CCK: variants seen among roughly 807,000 people sequenced by gnomAD.
The protein encoded by CCK is cholecystokinin triacontatriapeptide.
A neutral mutation model predicts 10.1 loss-of-function variants in CCK; 11 were observed. That is an observed-to-expected ratio of 1.09 (90% confidence interval 0.69 to 1.81). CCK has a LOEUF of 1.81. CCK is among the 40% of genes most tolerant of loss of function. CCK has a pLI of 0.00. For missense variants in CCK, 137 were observed against 159.9 expected (o/e 0.86, Z 0.77); for synonymous variants, 83 against 71.9 (o/e 1.15, Z -0.78).
intron 4 of CCK, among the ~76,000 whole-genome samples, chr3:42,260,361 G>A (rs1334400072): frequency 1.3e-5 from 2 of 152,152 alleles, no homozygotes; most frequent in Non-Finnish European, 2.9e-5. Context: ...GTGATGATGA[G>A]TGCCCACTCT....
rs146076965 is a variant in CCK, at chr3:42,257,858, T to C, written c.*240A>G. 26 of 469,626 alleles carry C rather than the reference T, an allele frequency of 5.5e-5. No individual in the cohort carries two copies. The East Asian group carries it at 8.6e-4, about 15-fold the overall frequency. The allele number at this position is 469,626 out of a possible 1,614,324, so 29.1% of individuals were successfully genotyped here. A position where few individuals can be genotyped will look rare whatever the true frequency, so the allele number is the denominator to read the frequency against. On this transcript the variant is annotated 3_prime_UTR_variant, in exon 5 of 5. Transcript: ENST00000396169. The stretch of plus-strand genomic sequence containing the variant: ...AAATCACTTTAATAGCATAACAACA[T>C]TTTCAGACCAGGAGTCACAGATGAA...
intron 4 of CCK, among the ~76,000 whole-genome samples, chr3:42,260,876 A>G (rs992102979): frequency 6.6e-6 from 1 of 152,236 alleles, no homozygotes; most frequent in African/African-American, 2.4e-5. Flanking sequence ...AGGAAGCTGA[A>G]TGGCTTCCAG....
intron 4 of CCK, 138 bp from the exon 5 acceptor site, chr3:42,258,369 G>A (rs1711167654): frequency 3.2e-6 from 3 of 936,772 alleles, no homozygotes; most frequent in Admixed American, 3.0e-5. Flanking sequence ...AGCTATCAAA[G>A]TAGTGGAACT....
At chr3:42,258,331 A>G in intron 4 of CCK, 100 bp from the exon 5 acceptor site, 1 of 1,288,578 alleles carries the variant, frequency 7.8e-7, no homozygotes, top group Non-Finnish European at 1.1e-6. Flanking sequence ...GACGCAATAT[A>G]ACAGACACCA....
intron 4 of CCK, among the ~76,000 whole-genome samples, chr3:42,261,406 T>C (rs552471316): frequency 2.2e-3 from 334 of 152,266 alleles, no homozygotes; most frequent in African/African-American, 7.4e-3. Context: ...GTTTGCTTGT[T>C]TTTTAGCTAG....
intron 3 of CCK, chr3:42,263,930 GTT>G: frequency 8.1e-6 from 3 of 371,444 alleles, no homozygotes; most frequent in Non-Finnish European, 1.4e-5. Flanking sequence ...TTGAGGAAGT[GTT>G]TGCAGAGTGC....
Position 42,258,192 on chromosome 3 carries a change from T to C in CCK, c.254A>G (p.Asn85Ser). 1.9e-6 allele frequency: 3 copies of C among 1,614,026 alleles called. No individual in the cohort carries two copies. The highest frequency in any genetic ancestry group is 2.5e-6 in the Non-Finnish European group (3 of 1,179,970). ...ACTTATCCTGTGGCTGGGGTCCAGGTTCTGCAGGTTCTTAACGATGGACAT... is the reference window on the plus strand; with the variant it reads ...ACTTATCCTGTGGCTGGGGTCCAGGCTCTGCAGGTTCTTAACGATGGACAT... ...GRMSIVKNLQ[N>S]LDPSHRISDR... is the part of the protein sequence containing the mutation. The change falls in exon 5 of 5, where the codon AAC (asparagine) becomes AGC (serine). Residue 85 changes from asparagine (N) to serine (S), a missense_variant. Physicochemically the swap from Asn to Ser is conservative, Grantham distance 46 (BLOSUM62 1). Coordinates refer to ENST00000396169, the MANE Select transcript of CCK (RefSeq NM_000729.6).
At chr3:42,261,621 C>CT (rs1031817673) in intron 4 of CCK, among the ~76,000 whole-genome samples, 3 of 100,692 alleles carry the variant, frequency 3.0e-5, no homozygotes, top group Non-Finnish European at 4.3e-5. Flanking sequence ...TTTTTTTTTT[C>CT]TTTTTTTTCC....
At chr3:42,263,714 G>C in intron 3 of CCK, 82 bp from the exon 4 acceptor site, 1 of 1,454,988 alleles carries the variant, frequency 6.9e-7, no homozygotes, top group South Asian at 1.5e-5. Context: ...ACCCAGAAGC[G>C]GGCTTAGGAC....
intron 4 of CCK, among the ~76,000 whole-genome samples, chr3:42,258,931 T>C (rs573551332): frequency 2.5e-4 from 38 of 152,270 alleles, no homozygotes; most frequent in Admixed American, 1.4e-3. Flanking sequence ...CTATTCACAA[T>C]AGCAAAGACT....
intron 4 of CCK, among the ~76,000 whole-genome samples, chr3:42,261,968 G>C (rs1577102346): frequency 6.6e-6 from 1 of 152,290 alleles, no homozygotes; most frequent in African/African-American, 2.4e-5. Flanking sequence ...ATTTCCCAAA[G>C]ACAGGAAGAA....
chr3:42,262,217 C>CT (rs11298401), intron 4 of CCK, among the ~76,000 whole-genome samples: 3,422 of 101,184 alleles, frequency 0.034, 210 homozygotes, highest in African/African-American at 0.12. Context: ...TTGCTAAGTT[C>CT]TTTTTTTTTT....
chr3:42,259,898 A>G (rs1313756705), intron 4 of CCK, among the ~76,000 whole-genome samples: 3 of 152,116 alleles, frequency 2.0e-5, no homozygotes, highest in African/African-American at 4.8e-5. Flanking sequence ...GTGGAGGACC[A>G]CTCAATGACT....
At chr3:42,262,034 A>G (rs149335620) in intron 4 of CCK, among the ~76,000 whole-genome samples, 1,535 of 152,208 alleles carry the variant, frequency 0.01, 21 homozygotes, top group African/African-American at 0.034. Context: ...TCAGAGTTCC[A>G]GTCTTCCCTT....
intron 4 of CCK, among the ~76,000 whole-genome samples, chr3:42,260,437 C>T (rs1335636924): frequency 6.6e-6 from 1 of 152,198 alleles, no homozygotes; most frequent in Non-Finnish European, 1.5e-5. Context: ...TACGAGCAAG[C>T]AGCCTCAGTT....
intron 2 of CCK, 178 bp from the exon 3 acceptor site, chr3:42,265,085 C>A (rs1348551028): frequency 1.3e-5 from 2 of 149,440 alleles, no homozygotes; most frequent in African/African-American, 2.5e-5. Flanking sequence ...TTGGAGTCTC[C>A]TCCGGGATGG....
intron 4 of CCK, among the ~76,000 whole-genome samples, chr3:42,262,389 T>A (rs998749696): frequency 1.3e-5 from 2 of 151,990 alleles, no homozygotes; most frequent in Non-Finnish European, 2.9e-5. Flanking sequence ...CCCAGCTAAT[T>A]TTGTATTTTT....
intron 4 of CCK, among the ~76,000 whole-genome samples, chr3:42,262,502 G>A (rs1711231203): frequency 6.6e-6 from 1 of 152,188 alleles, no homozygotes; most frequent in Non-Finnish European, 1.5e-5. Context: ...TTACAGGTGT[G>A]AGCCACTGCT....
intron 2 of CCK, 50 bp from the exon 3 acceptor site, chr3:42,264,957 C>A (rs1024727305): frequency 6.6e-6 from 1 of 152,412 alleles, no homozygotes; most frequent in African/African-American, 2.4e-5. Context: ...ATCCCTCCCA[C>A]GCGCGGTGCC....
Sources: gnomAD v4.1 joint callset for allele counts (sites outside exome capture counted in the v4.1 genomes callset) on GRCh38, gnomAD v4.1.1 for gene constraint, MANE v1.5 for transcripts, NCBI Gene and HGNC (gene_info 2026-07-23, HGNC 2026-07-21) for gene names.